The following NOC3L variants were observed in gnomAD, a reference collection of about 807,000 sequenced individuals.
The protein encoded by NOC3L is nucleolar complex protein 3 homolog.
NOC3L carries 85 observed loss-of-function variants against 102.5 expected under a neutral mutation model. The observed-to-expected ratio is 0.83, with a 90% CI of 0.70 to 0.99. The LOEUF is 0.99. Ranked by LOEUF, NOC3L falls within the 50% of genes least tolerant of loss-of-function variation. NOC3L has a pLI of 0.00. For synonymous variants in NOC3L, 303 were observed against 309.4 expected (o/e 0.98, Z 0.22); for missense variants, 878 against 914.9 (o/e 0.96, Z 0.52).
intron 16 of NOC3L, 64 bp downstream of exon 16, chr10:94,340,212 T>G: frequency 7.6e-7 from 1 of 1,314,688 alleles, no homozygotes; most frequent in Non-Finnish European, 1.1e-6. Context: ...TCTACAATGA[T>G]GGGTCATAAC....
At chr10:94,355,223 T>C in intron 5 of NOC3L, 130 bp from the exon 6 acceptor site, 1 of 682,420 alleles carries the variant, frequency 1.5e-6, no homozygotes, top group Middle Eastern at 4.3e-4. Flanking sequence ...CTACACATCA[T>C]CTCCTCAACA....
chr10:94,343,082 T>G (rs1274526054), intron 13 of NOC3L, among the ~76,000 whole-genome samples: 1 of 130,168 alleles, frequency 7.7e-6, no homozygotes, highest in Non-Finnish European at 1.6e-5. Flanking sequence ...AGACAGTGTC[T>G]CCAAAAAAAA....
At chr10:94,360,967 G>A (rs1480742471) in intron 2 of NOC3L, among the ~76,000 whole-genome samples, 2 of 151,796 alleles carry the variant, frequency 1.3e-5, no homozygotes. Context: ...GGCTATTTTT[G>A]CACACTGCAC....
At position 94,355,036 on chromosome 10, in the gene NOC3L, T is replaced by C. The variant is rs764714535; in HGVS notation, c.623A>G (p.Lys208Arg). ...LTIEEHLIER[K>R]KKLQEKKMHI... ...CATCTTCTTCTCCTGTAATTTCTTC[T>C]TTCTCTCAATCAAATGTTCTTCTAT... The change falls in exon 6 of 21, where the codon AAG becomes AGG. Residue 208 changes from lysine (K) to arginine (R), a missense_variant. Lys to Arg is a conservative substitution (Grantham distance 26). Coordinates refer to ENST00000371361, the MANE Select transcript of NOC3L (RefSeq NM_022451.11). 1.2e-5 allele frequency: 20 copies of C among 1,612,922 alleles called. 2 individuals carry two copies. Among genetic ancestry groups the C allele is most frequent in the Middle Eastern group, 3.3e-4 (2 of 6,066 alleles).
At chr10:94,331,906 C>G (rs563753515), downstream of NOC3L, 11 of 141,488 alleles carry the variant, frequency 7.8e-5, no homozygotes, top group East Asian at 1.9e-3. Flanking sequence ...AAGTCTCACT[C>G]TGTTGCCCAG....
In NOC3L at chr10:94,342,175, C is replaced by A. The variant is rs533090767; in HGVS notation, c.1572-430G>T. On this transcript the variant is annotated intron_variant, in intron 13 of 20. Coordinates refer to ENST00000371361, the MANE Select transcript of NOC3L (RefSeq NM_022451.11). ...GGATAAAATGGAAAGAATACTGGAC[C>A]CCAGTATCTAGTTCAGGCTCTGCTC... Among the ~76,000 whole-genome samples the A allele has an allele frequency of 1.8e-3, 272 of 152,166 alleles. 1 individual carries two copies. The South Asian group carries it at 0.028, about 16-fold the overall frequency.
At chr10:94,320,681 CTTACT>C in the NOC3L span, among the ~76,000 whole-genome samples, 1 of 152,234 alleles carries the variant, frequency 6.6e-6, no homozygotes, top group Non-Finnish European at 1.5e-5. Context: ...CTACTGTTTA[CTTACT>C]TTACCTCTCC....
At chr10:94,325,292 C>T in the NOC3L span, 1 of 557,340 alleles carries the variant, frequency 1.8e-6, no homozygotes, top group Non-Finnish European at 3.2e-6. Flanking sequence ...CTATTGAACA[C>T]CGCCTATAAA....
chr10:94,324,686 TAGG>T, the NOC3L span: 2 of 1,014,332 alleles, frequency 2.0e-6, no homozygotes, highest in South Asian at 2.6e-5. Context: ...GGAATGGAGT[TAGG>T]AGAAAATTGT....
chr10:94,342,330 T>G (rs1437655730), intron 13 of NOC3L, among the ~76,000 whole-genome samples: 1 of 152,148 alleles, frequency 6.6e-6, no homozygotes. Context: ...TTACTCCATA[T>G]ACTATAGTAG....
At chr10:94,336,478 G>A (rs1002169057) in intron 19 of NOC3L, among the ~76,000 whole-genome samples, 3 of 151,790 alleles carry the variant, frequency 2.0e-5, no homozygotes, top group African/African-American at 4.8e-5. Context: ...TTCCCAAGTA[G>A]CTGGGACTAC....
At chr10:94,322,795 A>AT in the NOC3L span, among the ~76,000 whole-genome samples, 1 of 151,870 alleles carries the variant, frequency 6.6e-6, no homozygotes, top group African/African-American at 2.4e-5. Context: ...AAAAAAAAAA[A>AT]AAGTACAAAA....
chr10:94,349,539 C>G (rs372892321), intron 9 of NOC3L, among the ~76,000 whole-genome samples, 161 bp from the exon 10 acceptor site: 1 of 152,132 alleles, frequency 6.6e-6, no homozygotes, highest in African/African-American at 2.4e-5. Context: ...TCTATCGCCA[C>G]CACAGTCATC....
At chr10:94,329,865 C>A (rs1317719176), downstream of NOC3L, 1 of 143,232 alleles carries the variant, frequency 7.0e-6, no homozygotes, top group Non-Finnish European at 1.5e-5. Context: ...AGCCTTAAGG[C>A]TAGAACTACC....
rs1165775245 is a variant in NOC3L at position 94,361,881 on chromosome 10, T to C, written c.10-9A>G. On this transcript the variant is annotated splice_polypyrimidine_tract_variant and intron_variant, in intron 1 of 20. Coordinates refer to ENST00000371361, the MANE Select transcript of NOC3L (RefSeq NM_022451.11). The stretch of plus-strand genomic sequence containing the variant: ...TGTTTTTTATTTCTTCTCTAGAAAA[T>C]AACAGAAAGAATACTGCATACCCAG... 1.3e-6 allele frequency: 2 copies of C among 1,583,830 alleles called. No individual in the cohort carries two copies. Among genetic ancestry groups the C allele is most frequent in the Non-Finnish European group, 1.7e-6 (2 of 1,156,396 alleles).
intron 4 of NOC3L, 145 bp from the exon 5 acceptor site, chr10:94,356,736 A>C (rs182155418): frequency 1.7e-6 from 1 of 605,522 alleles, no homozygotes; most frequent in African/African-American, 1.9e-5. Flanking sequence ...AGGTGAGCAC[A>C]AGGGAGGATT....
chr10:94,343,299 C>T (rs985088117), intron 13 of NOC3L, among the ~76,000 whole-genome samples: 7 of 152,126 alleles, frequency 4.6e-5, no homozygotes, highest in African/African-American at 1.7e-4. Context: ...AATCCTAGCA[C>T]TTTGTGAGGC....
intron 7 of NOC3L, 24 bp downstream of exon 7, chr10:94,352,872 T>C (rs2054437628): frequency 5.7e-6 from 9 of 1,592,342 alleles, no homozygotes; most frequent in Non-Finnish European, 7.7e-6. Context: ...TAGATAGTAA[T>C]TATATCTAGC....
intron 10 of NOC3L, among the ~76,000 whole-genome samples, chr10:94,347,979 T>C (rs57141993): frequency 0.017 from 2,615 of 151,876 alleles, 96 homozygotes; most frequent in African/African-American, 0.06. Flanking sequence ...TCATGTCTTT[T>C]ATCAATTATA....
Sources: allele counts gnomAD v4.1 joint callset (sites outside exome capture counted in the v4.1 genomes callset), GRCh38; gene constraint gnomAD v4.1.1; transcripts MANE v1.5; gene names NCBI Gene and HGNC (gene_info 2026-07-23, HGNC 2026-07-21).